Variants in SH3D19 observed in about 807,000 individuals in gnomAD.
SH3D19 encodes SH3 domain-containing protein 19.
SH3D19 carries 58 observed loss-of-function variants against 112.1 expected under a neutral mutation model. The ratio of observed to expected loss-of-function variants is 0.52; its 90% CI spans 0.42 to 0.64. The LOEUF is 0.64. SH3D19 is among the 30% of genes least tolerant of loss of function. The probability of loss-of-function intolerance (pLI) is 0.00; values close to 1 mark genes in which losing one functional copy is unlikely to be tolerated. For synonymous variants in SH3D19, 391 were observed against 448.5 expected, an observed-to-expected ratio of 0.87 and a Z score of 1.62; for missense variants, 1,090 against 1,263.4, an observed-to-expected ratio of 0.86 and a Z score of 2.08.
chr4:151,195,576 AT>A (rs1763343463), intron 2 of SH3D19, among the ~76,000 whole-genome samples: 1 of 151,834 alleles, frequency 6.6e-6, no homozygotes, highest in South Asian at 2.1e-4. Flanking sequence ...AGAGCTTATG[AT>A]TTGAATTTCT....
At chr4:151,253,740 CAA>C (rs10593842) in intron 1 of SH3D19, among the ~76,000 whole-genome samples, 56,811 of 139,994 alleles carry the variant, frequency 0.41, 11,239 homozygotes, top group Non-Finnish European at 0.45. Context: ...GACTCCGTCT[CAA>C]AAAAAAAAAA....
rs1406787226 is a variant in SH3D19, at chr4:151,127,659, A to G, written c.2986T>C (p.Tyr996His). The G allele has an allele frequency of 3.1e-6, 5 of 1,607,086 alleles. No homozygotes were observed. The highest frequency in any genetic ancestry group is 1.7e-5 in the Admixed American group (1 of 58,224). ...VPKGRKAKAL[Y>H]DFRGENEDEL... ...TCTTCATTCTCCCCTCGGAAATCAT[A>G]TAAGGCTTTGGCCTTCCTCCCCTTC... The change falls in exon 19 of 20, where the codon TAT (tyrosine) becomes CAT (histidine). Residue 996 changes from tyrosine (Y) to histidine (H), a missense_variant. Tyr to His is a moderately conservative substitution (Grantham distance 83, BLOSUM62 2). Transcript: ENST00000604030.
chr4:151,263,175 CA>C (rs58832081), intron 1 of SH3D19, among the ~76,000 whole-genome samples: 77,196 of 151,966 alleles, frequency 0.51, 19,914 homozygotes, highest in African/African-American at 0.54. Context: ...TTGATTCTAA[CA>C]AATTAGTTCT....
intron 1 of SH3D19, among the ~76,000 whole-genome samples, chr4:151,317,521 T>C (rs1014483793): frequency 6.6e-6 from 1 of 152,182 alleles, no homozygotes; most frequent in African/African-American, 2.4e-5. Flanking sequence ...ATAGAACTGC[T>C]GGATGACTAG....
intron 1 of SH3D19, among the ~76,000 whole-genome samples, chr4:151,268,384 G>C (rs993769974): frequency 7.2e-5 from 11 of 152,156 alleles, no homozygotes; most frequent in African/African-American, 2.7e-4. Context: ...CCTAGGACAT[G>C]ATAGTACACT....
At chr4:151,236,282 C>A (rs1014194238) in intron 1 of SH3D19, among the ~76,000 whole-genome samples, 1 of 152,232 alleles carries the variant, frequency 6.6e-6, no homozygotes, top group African/African-American at 2.4e-5. Context: ...TGCGGGCTGG[C>A]GGGGGTTCCA....
chr4:151,152,458 C>G (rs1424051079), intron 9 of SH3D19, among the ~76,000 whole-genome samples: 1 of 151,368 alleles, frequency 6.6e-6, no homozygotes, highest in Non-Finnish European at 1.5e-5. Flanking sequence ...TTCATCTGCA[C>G]TGGAATAATA....
chr4:151,185,381 T>G (rs542070903), intron 3 of SH3D19, among the ~76,000 whole-genome samples: 2 of 152,298 alleles, frequency 1.3e-5, no homozygotes, highest in Admixed American at 1.3e-4. Flanking sequence ...TTTCCTATCC[T>G]GTGTACTTTC....
At chr4:151,215,069 G>GA in intron 2 of SH3D19, among the ~76,000 whole-genome samples, 1 of 149,354 alleles carries the variant, frequency 6.7e-6, no homozygotes, top group Middle Eastern at 3.5e-3. Flanking sequence ...CATCTCAGAC[G>GA]ATGGGCGGCC....
At chr4:151,134,159 T>C (rs1259946264) in intron 15 of SH3D19, among the ~76,000 whole-genome samples, 1 of 152,242 alleles carries the variant, frequency 6.6e-6, no homozygotes, top group Non-Finnish European at 1.5e-5. Flanking sequence ...TGAAATAGAA[T>C]TCAACTATTG....
At chr4:151,222,625 A>T (rs1330774253) in intron 2 of SH3D19, among the ~76,000 whole-genome samples, 7 of 142,546 alleles carry the variant, frequency 4.9e-5, no homozygotes, top group African/African-American at 1.8e-4. Flanking sequence ...TTAAATTCAC[A>T]TATTAGATTT....
chr4:151,238,769 A>T lies in SH3D19; in HGVS notation c.113-12683T>A, dbSNP rs189697073. Among the ~76,000 whole-genome samples, 21 of 152,084 alleles carry T rather than the reference A, an allele frequency of 1.4e-4. No individual in the cohort carries two copies. The East Asian group carries it at 2.9e-3, about 21-fold the overall frequency. Reference sequence around the variant, plus strand: ...TCACTCTACATTAGAGTGAAAAAAAAATCTTTTTCTTCCAATCAAGAAGAG... The same window carrying T: ...TCACTCTACATTAGAGTGAAAAAAATATCTTTTTCTTCCAATCAAGAAGAG... On this transcript the variant is annotated intron_variant, in intron 1 of 19. Coordinates refer to ENST00000604030, the MANE Select transcript of SH3D19 (RefSeq NM_001378122.1).
intron 1 of SH3D19, among the ~76,000 whole-genome samples, chr4:151,314,263 T>G (rs1729776066): frequency 6.6e-6 from 1 of 152,164 alleles, no homozygotes. Context: ...CTGAATGAAG[T>G]TGGCACTAGG....
At chr4:151,256,024 G>C (rs1408886251) in intron 1 of SH3D19, among the ~76,000 whole-genome samples, 1 of 140,716 alleles carries the variant, frequency 7.1e-6, no homozygotes, top group East Asian at 2.2e-4. Flanking sequence ...GGGAGAGGGA[G>C]AGGGAGAGGG....
At chr4:151,149,789 GT>G (rs1414526496) in intron 9 of SH3D19, among the ~76,000 whole-genome samples, 1 of 152,164 alleles carries the variant, frequency 6.6e-6, no homozygotes, top group East Asian at 1.9e-4. Flanking sequence ...CCAGTCTCCT[GT>G]TGTGGACCAC....
chr4:151,244,689 C>T (rs1770803780), intron 1 of SH3D19, among the ~76,000 whole-genome samples: 1 of 152,180 alleles, frequency 6.6e-6, no homozygotes, highest in South Asian at 2.1e-4. Flanking sequence ...GTGTGGTAGT[C>T]TTTTGTGTCA....
At chr4:151,232,841 G>C (rs953523673) in intron 1 of SH3D19, among the ~76,000 whole-genome samples, 3 of 151,838 alleles carry the variant, frequency 2.0e-5, no homozygotes, top group Non-Finnish European at 4.4e-5. Context: ...AAACTTAGCA[G>C]CTTAAGACAA....
intron 1 of SH3D19, among the ~76,000 whole-genome samples, chr4:151,301,167 G>A (rs1252746374): frequency 6.6e-6 from 1 of 152,342 alleles, no homozygotes; most frequent in East Asian, 1.9e-4. Flanking sequence ...GCTTCTCCAT[G>A]GTTTAACACC....
intron 1 of SH3D19, among the ~76,000 whole-genome samples, chr4:151,245,730 TAGCTGGGATTAC>T (rs2149972072): frequency 6.6e-6 from 1 of 152,276 alleles, no homozygotes; most frequent in Non-Finnish European, 1.5e-5. Context: ...GCCTCCTGAG[TAGCTGGGATTAC>T]AGGCACGCGC....
Sources: gnomAD v4.1 joint callset for allele counts (sites outside exome capture counted in the v4.1 genomes callset) on GRCh38, gnomAD v4.1.1 for gene constraint, MANE v1.5 for transcripts, NCBI Gene and HGNC (gene_info 2026-07-23, HGNC 2026-07-21) for gene names.